The following MLLT3 variants were observed in gnomAD, a reference collection of about 807,000 sequenced individuals.
MLLT3 encodes the protein protein AF-9.
Under a neutral mutation model 53.2 loss-of-function variants are expected in MLLT3, and 4 were observed. That is an observed-to-expected ratio of 0.08 (90% confidence interval 0.04 to 0.17). The LOEUF is 0.17. Among genes scored for constraint, MLLT3 ranks in the 10% least tolerant of loss-of-function variants. The probability of loss-of-function intolerance (pLI) is 1.00; values close to 1 mark genes in which losing one functional copy is unlikely to be tolerated. For synonymous variants in MLLT3, 283 were observed against 230.6 expected, an observed-to-expected ratio of 1.23 and a Z score of -2.06; for missense variants, 569 against 684.0, an observed-to-expected ratio of 0.83 and a Z score of 1.87.
chr9:20,577,310 T>A (rs754210043), intron 2 of MLLT3, among the ~76,000 whole-genome samples: 3 of 152,190 alleles, frequency 2.0e-5, no homozygotes, highest in Non-Finnish European at 4.4e-5. Context: ...ACTAACCTGA[T>A]ATATTCACGT....
At chr9:20,405,800 A>G (rs914664487) in intron 5 of MLLT3, among the ~76,000 whole-genome samples, 1 of 152,186 alleles carries the variant, frequency 6.6e-6, no homozygotes, top group Admixed American at 6.5e-5. Context: ...TTTTTTTCCA[A>G]GTTGTTTCCT....
chr9:20,462,951 GAC>G (rs1309298271), intron 2 of MLLT3, among the ~76,000 whole-genome samples: 1 of 152,098 alleles, frequency 6.6e-6, no homozygotes, highest in Non-Finnish European at 1.5e-5. Context: ...AATATAATGA[GAC>G]AGTCGGTATA....
intron 3 of MLLT3, among the ~76,000 whole-genome samples, chr9:20,449,521 C>T (rs377048190): frequency 2.0e-5 from 3 of 152,118 alleles, no homozygotes; most frequent in African/African-American, 4.8e-5. Flanking sequence ...ATTTAATTCT[C>T]GCTGCTCTCT....
At chr9:20,475,766 G>C (rs62552442) in intron 2 of MLLT3, among the ~76,000 whole-genome samples, 360 of 152,066 alleles carry the variant, frequency 2.4e-3, no homozygotes, top group Non-Finnish European at 4.3e-3. Flanking sequence ...CCAGGATTTG[G>C]CACAATTTAA....
At chr9:20,396,107 C>T (rs1287679249) in intron 5 of MLLT3, among the ~76,000 whole-genome samples, 1 of 151,736 alleles carries the variant, frequency 6.6e-6, no homozygotes, top group Non-Finnish European at 1.5e-5. Flanking sequence ...ACCTCATGAA[C>T]AGAAACTATC....
chr9:20,512,565 C>T (rs918214222), intron 2 of MLLT3, among the ~76,000 whole-genome samples: 1 of 152,200 alleles, frequency 6.6e-6, no homozygotes, highest in Non-Finnish European at 1.5e-5. Context: ...TAAACAGCAT[C>T]TATGAGTACA....
At chr9:20,604,601 G>C (rs377133741) in intron 2 of MLLT3, among the ~76,000 whole-genome samples, 2 of 152,126 alleles carry the variant, frequency 1.3e-5, no homozygotes, top group East Asian at 1.9e-4. Context: ...AACACAGCTA[G>C]CATATCTGCA....
Position 20,344,851 on chromosome 9 carries a change from G to A in MLLT3, c.*1592C>T, listed in dbSNP as rs2118575441. ...TCTCTGTATGAAAAGACAGCATCTG[G>A]CATGGGAACAAACAAGGGAGATACT... On this transcript the variant is annotated 3_prime_UTR_variant, in exon 11 of 11. Transcript: ENST00000380338. The A allele has an allele frequency of 4.7e-6, 1 of 210,842 alleles. No homozygotes were observed. Among genetic ancestry groups the A allele is most frequent in the East Asian group, 7.1e-5 (1 of 14,038 alleles). 13.1% of individuals were successfully genotyped at this position (210,842 alleles called of 1,614,324 possible).
At chr9:20,396,399 A>G (rs1214099050) in intron 5 of MLLT3, among the ~76,000 whole-genome samples, 15 of 152,168 alleles carry the variant, frequency 9.9e-5, no homozygotes, top group African/African-American at 3.6e-4. Flanking sequence ...GTGAGCTATT[A>G]TTCACATATC....
intron 2 of MLLT3, among the ~76,000 whole-genome samples, chr9:20,500,222 C>A (rs553743298): frequency 2.6e-5 from 4 of 152,138 alleles, no homozygotes; most frequent in Admixed American, 6.5e-5. Flanking sequence ...GCTAGCAGGG[C>A]AAAGGTCTGG....
chr9:20,508,017 A>C (rs1003657397), intron 2 of MLLT3, among the ~76,000 whole-genome samples: 6 of 152,194 alleles, frequency 3.9e-5, no homozygotes, highest in African/African-American at 1.4e-4. Flanking sequence ...AGATATTCAA[A>C]TGTATATTCC....
chr9:20,526,937 G>A (rs1001499752), intron 2 of MLLT3, among the ~76,000 whole-genome samples: 4 of 152,098 alleles, frequency 2.6e-5, no homozygotes, highest in East Asian at 1.9e-4. Flanking sequence ...GGACACTTAC[G>A]AAGTGTCTGT....
At chr9:20,513,549 T>G (rs1817816183) in intron 2 of MLLT3, among the ~76,000 whole-genome samples, 1 of 152,066 alleles carries the variant, frequency 6.6e-6, no homozygotes, top group Admixed American at 6.5e-5. Flanking sequence ...AGGTTTCCTG[T>G]GGGAAGTTCT....
intron 2 of MLLT3, among the ~76,000 whole-genome samples, chr9:20,463,791 T>C (rs1253474018): frequency 6.6e-6 from 1 of 152,176 alleles, no homozygotes; most frequent in Non-Finnish European, 1.5e-5. Flanking sequence ...CAAGAATTAT[T>C]ATCATTTTCT....
intron 2 of MLLT3, among the ~76,000 whole-genome samples, chr9:20,600,125 C>CAAA (rs753042376): frequency 2.3e-5 from 2 of 88,838 alleles, no homozygotes; most frequent in African/African-American, 8.2e-5. Context: ...CAATGTTGTC[C>CAAA]AAAAAAAAAA....
Position 20,555,417 on chromosome 9 carries a change from G to C in MLLT3, c.193+65237C>G, listed in dbSNP as rs145680879. 4.5e-4 allele frequency among the ~76,000 whole-genome samples: 68 copies of C among 152,090 alleles called. 1 individual carries two copies. The East Asian group carries it at 0.011, about 24-fold the overall frequency. On this transcript the variant is annotated intron_variant, in intron 2 of 10. Coordinates refer to ENST00000380338, the MANE Select transcript of MLLT3 (RefSeq NM_004529.4). ...ACAGTTCTCCCACCCAAAGTCCTAG[G>C]ATTACAGGCGTGAGCCACCAGACCC...
intron 6 of MLLT3, among the ~76,000 whole-genome samples, 164 bp from the exon 7 acceptor site, chr9:20,363,769 A>C (rs1011077038): frequency 1.3e-5 from 2 of 152,230 alleles, no homozygotes; most frequent in Admixed American, 6.5e-5. Flanking sequence ...TCTAAAATGC[A>C]ATCTCTGCCA....
chr9:20,567,850 G>C (rs1260357552), intron 2 of MLLT3, among the ~76,000 whole-genome samples: 1 of 152,024 alleles, frequency 6.6e-6, no homozygotes, highest in Admixed American at 6.6e-5. Context: ...ATTCCACTGG[G>C]GAGCAAGGGG....
chr9:20,610,254 T>C (rs757576513), intron 2 of MLLT3, among the ~76,000 whole-genome samples: 31 of 152,230 alleles, frequency 2.0e-4, no homozygotes, highest in East Asian at 5.8e-4. Flanking sequence ...AGTAAAAAAA[T>C]GATAGAGCTG....
Sources: allele counts gnomAD v4.1 joint callset (sites outside exome capture counted in the v4.1 genomes callset), GRCh38; gene constraint gnomAD v4.1.1; transcripts MANE v1.5; gene names NCBI Gene and HGNC (gene_info 2026-07-23, HGNC 2026-07-21).